Variants in DZIP3 observed in about 807,000 individuals in gnomAD.
DZIP3 encodes the protein DAZ interacting zinc finger protein 3.
In DZIP3, 118 loss-of-function variants were observed where a neutral mutation model predicts 162.0. That is an observed-to-expected ratio of 0.73 (90% CI 0.63 to 0.85). The LOEUF is 0.85. Ranked by LOEUF, DZIP3 falls within the 40% of genes least tolerant of loss-of-function variation. The pLI is 0.00. For synonymous variants in DZIP3, 438 were observed against 458.6 expected (o/e 0.96, Z 0.57); for missense variants, 1,331 against 1,407.0 (o/e 0.95, Z 0.86).
intron 1 of DZIP3, chr3:108,590,040 T>C (rs1030970385): frequency 2.0e-5 from 3 of 152,238 alleles, no homozygotes; most frequent in African/African-American, 7.2e-5. Flanking sequence ...GACTACCTCC[T>C]GCTGACCCTG....
intron 32 of DZIP3, chr3:108,691,314 T>C (rs1252449648): frequency 2.0e-5 from 3 of 152,836 alleles, no homozygotes; most frequent in African/African-American, 7.4e-5. Context: ...CACACCAGCA[T>C]GGCACATGAA....
chr3:108,688,286 C>T (rs1325362838), intron 29 of DZIP3, among the ~76,000 whole-genome samples, 190 bp downstream of exon 29: 1 of 152,124 alleles, frequency 6.6e-6, no homozygotes, highest in African/African-American at 2.4e-5. Flanking sequence ...TACCTGTTAC[C>T]TAATCATTCT....
chr3:108,685,794 A>T (rs1199359232), intron 27 of DZIP3, among the ~76,000 whole-genome samples: 2 of 152,224 alleles, frequency 1.3e-5, no homozygotes, highest in Non-Finnish European at 2.9e-5. Context: ...ATGTAAGCAC[A>T]TTAGAAAACA....
intron 1 of DZIP3, among the ~76,000 whole-genome samples, chr3:108,601,512 G>A (rs139623331): frequency 8.1e-4 from 123 of 152,242 alleles, no homozygotes; most frequent in Admixed American, 5.1e-3. Flanking sequence ...GTGGAGAAAA[G>A]TATGAGCTTT....
At chr3:108,601,944 G>A (rs1009439737) in intron 1 of DZIP3, among the ~76,000 whole-genome samples, 3 of 152,076 alleles carry the variant, frequency 2.0e-5, no homozygotes, top group African/African-American at 4.8e-5. Flanking sequence ...GTTTTAGTCA[G>A]TCAGGGAGAT....
chr3:108,677,398 C>G (rs1395066139), intron 25 of DZIP3, 99 bp from the exon 26 acceptor site: 9 of 952,548 alleles, frequency 9.4e-6, no homozygotes, highest in Non-Finnish European at 1.3e-5. Context: ...GGCAACCACT[C>G]TTGTATGTTG....
chr3:108,615,976 T>A (rs1215641287), intron 4 of DZIP3, among the ~76,000 whole-genome samples: 1 of 152,232 alleles, frequency 6.6e-6, no homozygotes, highest in Non-Finnish European at 1.5e-5. Context: ...AAAAAATGTT[T>A]TAAAGAGGCT....
Position 108,675,862 on chromosome 3 carries a change from G to T in DZIP3, c.2770G>T (p.Ala924Ser). Reference protein sequence around the residue: ...AIVADVRNKIAFLRTQYNEQI... With the variant: ...AIVADVRNKISFLRTQYNEQI... Reference sequence around the variant, plus strand: ...TGTGGCAGATGTTAGAAACAAGATTGCATTCCTCAGGGTAAGTCCTGAAGT... The same window carrying T: ...TGTGGCAGATGTTAGAAACAAGATTTCATTCCTCAGGGTAAGTCCTGAAGT... Residue 924 changes from alanine to serine, a missense_variant, in exon 25 of 33, where the codon GCA becomes TCA. Coordinates refer to ENST00000361582, the MANE Select transcript of DZIP3 (RefSeq NM_014648.4). The T allele has an allele frequency of 1.2e-6, 2 of 1,609,460 alleles. No homozygotes were observed. Among genetic ancestry groups the T allele is most frequent in the Non-Finnish European group, 1.7e-6 (2 of 1,177,554 alleles).
At chr3:108,657,138 C>T (rs1041449113) in intron 19 of DZIP3, among the ~76,000 whole-genome samples, 32 of 152,172 alleles carry the variant, frequency 2.1e-4, no homozygotes, top group Non-Finnish European at 2.8e-4. Context: ...ATACAGAGAA[C>T]GCCACAAAGA....
intron 28 of DZIP3, among the ~76,000 whole-genome samples, chr3:108,686,810 A>C (rs1296873525): frequency 1.3e-5 from 2 of 152,182 alleles, no homozygotes; most frequent in Non-Finnish European, 2.9e-5. Flanking sequence ...TGAGAGAATA[A>C]CTTTAAATTT....
At chr3:108,626,548 A>G (rs188949912) in intron 7 of DZIP3, among the ~76,000 whole-genome samples, 1 of 152,244 alleles carries the variant, frequency 6.6e-6, no homozygotes. Context: ...GGAGGAAACT[A>G]TACAGATTAT....
Position 108,616,634 on chromosome 3 carries a change from A to G in DZIP3, c.352A>G (p.Asn118Asp). Reference protein sequence around the residue: ...LITQLEAALRNIQAGNYTAHQ... With the variant: ...LITQLEAALRDIQAGNYTAHQ... ...TACACAGCTAGAAGCAGCACTTAGG[A>G]ACATTCAAGCTGGCAATTATACCGT... The change falls in exon 5 of 33, where the codon AAC becomes GAC. Residue 118 changes from asparagine to aspartate, a missense_variant. By Grantham distance (23) the Asn-to-Asp change is conservative (BLOSUM62 1). Coordinates refer to ENST00000361582, the MANE Select transcript of DZIP3 (RefSeq NM_014648.4). The G allele has an allele frequency of 1.3e-6, 2 of 1,597,182 alleles. No individual in the cohort carries two copies. Among genetic ancestry groups the G allele is most frequent in the Non-Finnish European group, 1.7e-6 (2 of 1,172,772 alleles).
At chr3:108,592,303 A>T (rs1234333999) in intron 1 of DZIP3, among the ~76,000 whole-genome samples, 1 of 152,162 alleles carries the variant, frequency 6.6e-6, no homozygotes, top group Non-Finnish European at 1.5e-5. Context: ...CTGATAGTGG[A>T]TGTGAGGCAT....
chr3:108,678,124 A>C (rs1944177394), intron 26 of DZIP3, among the ~76,000 whole-genome samples: 1 of 151,908 alleles, frequency 6.6e-6, no homozygotes, highest in African/African-American at 2.4e-5. Context: ...TGTGCATGTG[A>C]AGGATCTAGG....
rs1408294788 is a variant in DZIP3 at position 108,694,751 on chromosome 3, A to G, written c.*1398A>G. ...ACCTTAAGGTCATGGTCATATAGCT[A>G]GTTATCTTGTAAAACCAATGTTTCT... On this transcript the variant is annotated 3_prime_UTR_variant, in exon 33 of 33. Coordinates refer to ENST00000361582, the MANE Select transcript of DZIP3 (RefSeq NM_014648.4). 15 of 152,202 alleles carry G rather than the reference A, an allele frequency of 9.9e-5. No individual in the cohort carries two copies. The highest frequency in any genetic ancestry group is 9.8e-4 in the Admixed American group (15 of 15,276). The allele number at this position is 152,202 out of a possible 1,614,324, so 9.4% of individuals were successfully genotyped here. A position where few individuals can be genotyped will look rare whatever the true frequency, so the allele number is the denominator to read the frequency against.
At chr3:108,611,735 G>A (rs2107510370) in intron 4 of DZIP3, among the ~76,000 whole-genome samples, 1 of 152,274 alleles carries the variant, frequency 6.6e-6, no homozygotes. Context: ...GGAGACCGAG[G>A]TGAGTGGATC....
Position 108,668,802 on chromosome 3 carries a change from G to A in DZIP3, c.2424-879G>A, listed in dbSNP as rs144137248. On this transcript the variant is annotated intron_variant, in intron 21 of 32. Transcript: ENST00000361582. ...GGTAGTCTCTGAAATCTGGTAGTGA[G>A]CAATCCATCCAACATTAAAGTCGTC... Among the ~76,000 whole-genome samples the A allele has an allele frequency of 2.2e-3, 328 of 152,042 alleles. 1 individual carries two copies. The highest frequency in any genetic ancestry group is 3.3e-3 in the Non-Finnish European group (221 of 67,892).
chr3:108,657,703 TAA>T (rs1175738334), intron 19 of DZIP3, among the ~76,000 whole-genome samples: 2 of 152,080 alleles, frequency 1.3e-5, no homozygotes, highest in African/African-American at 4.8e-5. Flanking sequence ...GCAAATTGGA[TAA>T]AGAGTCAAGA....
chr3:108,636,583 TC>T (rs200089781), intron 10 of DZIP3, 32 bp from the exon 11 acceptor site: 4 of 1,189,954 alleles, frequency 3.4e-6, no homozygotes, highest in Non-Finnish European at 3.5e-6. Flanking sequence ...GTGATTTTTT[TC>T]TATTTTTATT....
Sources: gnomAD v4.1 joint callset for allele counts (sites outside exome capture counted in the v4.1 genomes callset) on GRCh38, gnomAD v4.1.1 for gene constraint, MANE v1.5 for transcripts, NCBI Gene and HGNC (gene_info 2026-07-23, HGNC 2026-07-21) for gene names.